RBM34: variants seen among roughly 807,000 people sequenced by gnomAD.
The protein encoded by RBM34 is RNA binding motif protein 34, also known as RNA-binding protein 34.
A neutral mutation model predicts 44.6 loss-of-function variants in RBM34; 39 were observed. The observed-to-expected ratio is 0.87, with a 90% CI of 0.68 to 1.14. The LOEUF (loss-of-function observed/expected upper bound fraction) is 1.14, where lower values mean the gene tolerates loss of function less well. Ranked by LOEUF, RBM34 falls within the 50% of genes most tolerant of loss-of-function variation. The probability of loss-of-function intolerance (pLI) is 0.00; values close to 1 mark genes in which losing one functional copy is unlikely to be tolerated. For synonymous variants in RBM34, 194 were observed against 184.0 expected, an observed-to-expected ratio of 1.05 and a Z score of -0.44; for missense variants, 572 against 517.9, an observed-to-expected ratio of 1.10 and a Z score of -1.01.
chr1:235,151,117 C>G (rs534876268), intron 5 of RBM34, among the ~76,000 whole-genome samples: 2 of 152,024 alleles, frequency 1.3e-5, no homozygotes, highest in African/African-American at 2.4e-5. Flanking sequence ...GTAATGAGAA[C>G]TTAGGTAGGA....
chr1:235,149,535 G>A (rs1662070439), intron 5 of RBM34, among the ~76,000 whole-genome samples: 1 of 151,990 alleles, frequency 6.6e-6, no homozygotes, highest in Non-Finnish European at 1.5e-5. Context: ...ATCTCTAAGA[G>A]TTTATATATT....
In RBM34 at chr1:235,147,701, A is replaced by C. The variant is rs371182443; in HGVS notation, c.701+703T>G. On this transcript the variant is annotated intron_variant, in intron 6 of 10. Coordinates refer to ENST00000408888, the MANE Select transcript of RBM34 (RefSeq NM_015014.4). ...TCCAAAGGGACTGTTGCCATACAAA[A>C]GCTTGATAGAACAGGATTCCCAGAA... 1.9e-4 allele frequency among the ~76,000 whole-genome samples: 29 copies of C among 152,332 alleles called. No homozygotes were observed. In the South Asian group the frequency reaches 6.0e-3, roughly 32 times the overall value.
chr1:235,137,153 G>A (rs1035623325), intron 8 of RBM34, among the ~76,000 whole-genome samples: 1 of 152,152 alleles, frequency 6.6e-6, no homozygotes, highest in Non-Finnish European at 1.5e-5. Flanking sequence ...ATTGATGATA[G>A]TACTTATACA....
At chr1:235,138,780 T>G (rs1661545752) in intron 6 of RBM34, among the ~76,000 whole-genome samples, 1 of 151,258 alleles carries the variant, frequency 6.6e-6, no homozygotes, top group South Asian at 2.1e-4. Context: ...TGTCTATACT[T>G]TTGACCTGAT....
rs556748642 is a variant in RBM34 at position 235,147,647 on chromosome 1, C to G, written c.701+757G>C. On this transcript the variant is annotated intron_variant, in intron 6 of 10. Coordinates refer to ENST00000408888, the MANE Select transcript of RBM34 (RefSeq NM_015014.4). ...TCGGCCAAATAACTCCAAATGAAGA[C>G]TCAATATTGAAATGAAGTCACCAAG... Among the ~76,000 whole-genome samples the G allele has an allele frequency of 1.4e-3, 208 of 152,204 alleles. 1 individual carries two copies. Among genetic ancestry groups the G allele is most frequent in the African/African-American group, 4.9e-3 (204 of 41,530 alleles).
Position 235,153,394 on chromosome 1 carries a change from T to A in RBM34, c.598-629A>T, listed in dbSNP as rs1189482885. Among the ~76,000 whole-genome samples the A allele has an allele frequency of 2.6e-5, 4 of 152,162 alleles. No individual in the cohort carries two copies. The East Asian group carries it at 7.7e-4, about 29-fold the overall frequency. On this transcript the variant is annotated intron_variant, in intron 4 of 10. Transcript: ENST00000408888. ...CTTATAACTTCCATAGATTCTCTCA[T>A]GTTTTCACATTGGTTTAAACCAGGA...
intron 3 of RBM34, chr1:235,156,620 T>A: frequency 2.2e-6 from 1 of 457,608 alleles, no homozygotes. Flanking sequence ...AAACGGTAAA[T>A]ACAATATAAA....
chr1:235,152,618 TCAC>T, intron 5 of RBM34, 85 bp downstream of exon 5: 1 of 1,554,662 alleles, frequency 6.4e-7, no homozygotes, highest in Non-Finnish European at 8.6e-7. Flanking sequence ...TTAAAGTGCT[TCAC>T]CATCTCACTA....
rs1289938882 is a variant in RBM34 at position 235,138,176 on chromosome 1, T to A, written c.702-2A>T. 4 of 1,557,262 alleles carry A rather than the reference T, an allele frequency of 2.6e-6. No homozygotes were observed. In the African/African-American group the frequency reaches 5.8e-5, roughly 23 times the overall value. ...TTCTGATCAGGATGAATTTTACGTC[T>A]ACACCAAAAAAAAAAAAAGAAAGAA... On this transcript the variant is annotated splice_acceptor_variant, in intron 6 of 10. Transcript: ENST00000408888. LOFTEE classifies it high-confidence loss of function.
chr1:235,160,320 A>G (rs1261307086), intron 3 of RBM34, 191 bp downstream of exon 3: 1 of 755,438 alleles, frequency 1.3e-6, no homozygotes, highest in South Asian at 1.5e-5. Flanking sequence ...TTAGCCAAAT[A>G]TTAGTAATTG....
intron 6 of RBM34, among the ~76,000 whole-genome samples, chr1:235,145,374 C>T (rs1265021225): frequency 6.6e-6 from 1 of 151,672 alleles, no homozygotes; most frequent in Non-Finnish European, 1.5e-5. Context: ...ATTCTCCGGG[C>T]TCAAGTGATC....
chr1:235,132,714 T>C (rs1661268373), intron 10 of RBM34, among the ~76,000 whole-genome samples: 2 of 152,208 alleles, frequency 1.3e-5, no homozygotes, highest in South Asian at 2.1e-4. Flanking sequence ...CATTACGAGA[T>C]GTTGGACTAG....
chr1:235,145,085 T>C (rs180806905), intron 6 of RBM34, among the ~76,000 whole-genome samples: 74 of 151,962 alleles, frequency 4.9e-4, no homozygotes, highest in African/African-American at 1.6e-3. Flanking sequence ...AAATGACAAA[T>C]AGAGAAAAAT....
chr1:235,137,386 T>C (rs907064323), intron 8 of RBM34, among the ~76,000 whole-genome samples: 1 of 152,234 alleles, frequency 6.6e-6, no homozygotes, highest in African/African-American at 2.4e-5. Context: ...TTTTTGTTTC[T>C]TTTTAAGAAA....
intron 8 of RBM34, among the ~76,000 whole-genome samples, chr1:235,136,516 C>T (rs1055887421): frequency 1.2e-4 from 18 of 152,172 alleles, no homozygotes; most frequent in Non-Finnish European, 1.2e-4. Flanking sequence ...AAAAGCAGCA[C>T]GTAGATTTGG....
In RBM34 at chr1:235,154,959, T is replaced by A. The variant is rs373929216; in HGVS notation, c.519A>T (p.Gln173His). The part of the protein sequence containing the change: ...DTVVSQRKKI[Q>H]INQEEERLKN... ...TTAATCTCTCTTCTTCTTGGTTGAT[T>A]TGAATTTTCTTTCTTTGACTGACAA... is the stretch of plus-strand genomic sequence containing the variant. Residue 173 changes from glutamine (Q) to histidine (H), a missense_variant, in exon 4 of 11, where the codon CAA becomes CAT. Gln to His is a conservative substitution (Grantham distance 24). Coordinates refer to ENST00000408888, the MANE Select transcript of RBM34 (RefSeq NM_015014.4). 1.9e-6 allele frequency: 3 copies of A among 1,614,112 alleles called. No homozygotes were observed. Among genetic ancestry groups the A allele is most frequent in the African/African-American group, 1.3e-5 (1 of 75,058 alleles).
At chr1:235,141,945 T>G (rs918937030) in intron 6 of RBM34, among the ~76,000 whole-genome samples, 1 of 152,116 alleles carries the variant, frequency 6.6e-6, no homozygotes, top group African/African-American at 2.4e-5. Context: ...ATTCTTGAAG[T>G]CAGTGAGACC....
chr1:235,141,340 G>C (rs961420560), intron 6 of RBM34, among the ~76,000 whole-genome samples: 1 of 152,054 alleles, frequency 6.6e-6, no homozygotes, highest in African/African-American at 2.4e-5. Context: ...TGCACCAATC[G>C]ATACTCTGTA....
At chr1:235,150,194 C>A (rs1295530126) in intron 5 of RBM34, among the ~76,000 whole-genome samples, 1 of 152,208 alleles carries the variant, frequency 6.6e-6, no homozygotes, top group Non-Finnish European at 1.5e-5. Flanking sequence ...CCCATCTCAG[C>A]CTCCCGAGTA....
Sources: gnomAD v4.1 joint callset for allele counts (sites outside exome capture counted in the v4.1 genomes callset) on GRCh38, gnomAD v4.1.1 for gene constraint, MANE v1.5 for transcripts, NCBI Gene and HGNC (gene_info 2026-07-23, HGNC 2026-07-21) for gene names.